The following NPM2 variants were observed in gnomAD, a reference collection of about 807,000 sequenced individuals.
NPM2 encodes nucleophosmin/nucleoplasmin 2.
A neutral mutation model predicts 32.0 loss-of-function variants in NPM2; 25 were observed. The observed-to-expected ratio is 0.78, with a 90% CI of 0.57 to 1.09. NPM2 has a LOEUF of 1.09. NPM2 is among the 50% of genes least tolerant of loss of function. The pLI is 0.00. For missense variants in NPM2, 282 were observed against 259.9 expected (o/e 1.08, Z -0.58); for synonymous variants, 111 against 94.2 (o/e 1.18, Z -1.04).
At position 22,034,343 on chromosome 8, in the gene NPM2, C is replaced by T. The variant is rs1800547660; in HGVS notation, c.531+68C>T. On this transcript the variant is annotated intron_variant, in intron 7 of 9. Transcript: ENST00000518119. Reference sequence around the variant, plus strand: ...TACAGAAGCACTTAAGAGGGGTGGGCCACCGGGAGCCTGGGCCAGCCTCCC... The same window carrying T: ...TACAGAAGCACTTAAGAGGGGTGGGTCACCGGGAGCCTGGGCCAGCCTCCC... 7.5e-6 allele frequency: 11 copies of T among 1,476,214 alleles called. No homozygotes were observed. In the Admixed American group the frequency reaches 8.2e-5, roughly 11 times the overall value. The allele number at this position is 1,476,214 out of a possible 1,614,324, so 91.4% of individuals were successfully genotyped here. A position where few individuals can be genotyped will look rare whatever the true frequency, so the allele number is the denominator to read the frequency against.
intron 8 of NPM2, among the ~76,000 whole-genome samples, chr8:22,035,215 A>G (rs1800580488): frequency 6.6e-6 from 1 of 152,234 alleles, no homozygotes. Context: ...CCTCTTCTCA[A>G]TGGAATATTA....
At chr8:22,026,104 C>T (rs1202455009) in intron 5 of NPM2, among the ~76,000 whole-genome samples, 1 of 152,176 alleles carries the variant, frequency 6.6e-6, no homozygotes, top group Non-Finnish European at 1.5e-5. Flanking sequence ...CCCTGCCTCC[C>T]GTCAGATCAG....
Position 22,024,462 on chromosome 8 carries a change from C to G in NPM2, c.-302C>G, listed in dbSNP as rs975504008. ...GGGCGCCAGGAGGCCTCGGCGGGTC[C>G]GCAATTGGCCGGGACAGCTTCTCAC... is the stretch of plus-strand genomic sequence containing the variant. On this transcript the variant is annotated 5_prime_UTR_variant, in exon 1 of 10. Coordinates refer to ENST00000518119, the MANE Select transcript of NPM2 (RefSeq NM_001286680.2). 2 of 152,544 alleles carry G rather than the reference C, an allele frequency of 1.3e-5. No homozygotes were observed. Among genetic ancestry groups the G allele is most frequent in the African/African-American group, 2.4e-5 (1 of 41,474 alleles). 9.4% of individuals were successfully genotyped at this position (152,544 alleles called of 1,614,324 possible).
chr8:22,024,654 G>C (rs558235039), intron 1 of NPM2, 31 bp downstream of exon 1: 3 of 152,540 alleles, frequency 2.0e-5, no homozygotes, highest in African/African-American at 7.2e-5. Flanking sequence ...AGGAAAGAAT[G>C]GGAGAAGGGA....
intron 5 of NPM2, among the ~76,000 whole-genome samples, chr8:22,027,603 CTTT>C (rs542386619): frequency 1.2e-4 from 17 of 143,278 alleles, no homozygotes; most frequent in African/African-American, 3.8e-4. Context: ...AGACAAAGCT[CTTT>C]TTTTTTTTTT....
At chr8:22,027,291 C>T (rs910145718) in intron 5 of NPM2, among the ~76,000 whole-genome samples, 9 of 152,154 alleles carry the variant, frequency 5.9e-5, no homozygotes, top group African/African-American at 1.7e-4. Context: ...TTTGGGAGAC[C>T]CCTCTGTCAA....
At chr8:22,034,866 GGGAGGCTAA>G (rs1223575455) in intron 8 of NPM2, among the ~76,000 whole-genome samples, 3 of 152,226 alleles carry the variant, frequency 2.0e-5, no homozygotes, top group African/African-American at 7.2e-5. Context: ...CCAGCACTTT[GGGAGGCTAA>G]GGCAGGCAGA....
Position 22,036,818 on chromosome 8 carries a change from TC to T in NPM2, c.*137del. 2.4e-6 allele frequency: 2 copies of T among 845,130 alleles called. No individual in the cohort carries two copies. Among genetic ancestry groups the T allele is most frequent in the Non-Finnish European group, 3.5e-6 (2 of 566,054 alleles). 52.4% of individuals were successfully genotyped at this position (845,130 alleles called of 1,614,324 possible). The stretch of plus-strand genomic sequence containing the variant: ...GTTGCGGGGGCAACATGAGAGCCCC[TC>T]ACCCCCAACTCTCCACTTTCAGGAG... On this transcript the variant is annotated 3_prime_UTR_variant, in exon 10 of 10. Transcript: ENST00000518119.
intron 2 of NPM2, 79 bp downstream of exon 2, chr8:22,024,909 C>A: frequency 3.0e-6 from 1 of 331,522 alleles, no homozygotes; most frequent in Non-Finnish European, 5.5e-6. Context: ...TGCACAGAGG[C>A]TTTTGAGTCA....
rs778084579 is a variant in NPM2, at chr8:22,036,630, C to T, written c.601-8C>T. On this transcript the variant is annotated splice_region_variant and splice_polypyrimidine_tract_variant and intron_variant, in intron 9 of 9. Transcript: ENST00000518119. Reference sequence around the variant, plus strand: ...ACGGGACCCTGGAGCCCTGCCTTCCCTCCACAGGCCAAAGCCACAGCCAGA... The same window carrying T: ...ACGGGACCCTGGAGCCCTGCCTTCCTTCCACAGGCCAAAGCCACAGCCAGA... The T allele has an allele frequency of 1.1e-4, 163 of 1,551,442 alleles. No homozygotes were observed. Among genetic ancestry groups the T allele is most frequent in the Non-Finnish European group, 1.1e-4 (125 of 1,147,242 alleles).
chr8:22,028,185 C>T (rs1800318232), intron 5 of NPM2, among the ~76,000 whole-genome samples: 1 of 152,226 alleles, frequency 6.6e-6, no homozygotes, highest in Middle Eastern at 3.4e-3. Context: ...CACAGCCACA[C>T]TCATTCGTTT....
rs368674923 is a variant in NPM2 at position 22,033,117 on chromosome 8, C to T, written c.271-13C>T. On this transcript the variant is annotated splice_polypyrimidine_tract_variant and intron_variant, in intron 5 of 9. Transcript: ENST00000518119. Reference sequence around the variant, plus strand: ...CTAAGTGGCCCTGTCTTCTCTGCTTCCTCCCCCTGCAGGTCTCCATGGTAG... The same window carrying T: ...CTAAGTGGCCCTGTCTTCTCTGCTTTCTCCCCCTGCAGGTCTCCATGGTAG... 62 of 1,609,230 alleles carry T rather than the reference C, an allele frequency of 3.9e-5. No individual in the cohort carries two copies. Among genetic ancestry groups the T allele is most frequent in the Non-Finnish European group, 4.2e-5 (49 of 1,175,640 alleles).
intron 5 of NPM2, among the ~76,000 whole-genome samples, chr8:22,028,696 C>G (rs927227447): frequency 3.3e-5 from 5 of 152,120 alleles, no homozygotes; most frequent in Admixed American, 1.3e-4. Context: ...GGTCATGGCT[C>G]TCTCTCATTT....
At position 22,025,284 on chromosome 8, in the gene NPM2, G is replaced by C; in HGVS notation, c.36G>C (p.Lys12Asn). Residue 12 changes from lysine to asparagine, a missense_variant, in exon 3 of 10, where the codon AAG becomes AAC. Physicochemically the swap from Lys to Asn is moderately conservative, Grantham distance 94. Transcript: ENST00000518119. ...GTAGCGCCAGTAGCACGGAGGAAAA[G>C]GCAGTGACGACCGTGCTCTGGGGTG... ...NLSSASSTEE[K>N]AVTTVLWGCE... 6.2e-7 allele frequency: 1 copy of C among 1,611,362 alleles called. No individual in the cohort carries two copies.
chr8:22,028,010 A>G (rs781010705), intron 5 of NPM2, among the ~76,000 whole-genome samples: 3 of 152,184 alleles, frequency 2.0e-5, no homozygotes, highest in Middle Eastern at 3.4e-3. Context: ...CTTCCCTGCT[A>G]CCCCTGGTAC....
intron 5 of NPM2, among the ~76,000 whole-genome samples, chr8:22,027,202 C>T (rs1456504436): frequency 1.3e-5 from 2 of 152,096 alleles, no homozygotes; most frequent in Non-Finnish European, 2.9e-5. Context: ...ACATGCTAGC[C>T]TCATGCACTG....
At position 22,033,218 on chromosome 8, in the gene NPM2, G is replaced by C; in HGVS notation, c.359G>C (p.Arg120Pro). The change falls in exon 6 of 10, where the codon CGT (arginine) becomes CCT (proline). Residue 120 changes from arginine to proline, a missense_variant. Transcript: ENST00000518119. ...CCCGTGTTCCTCAGTGGCCAGGAAC[G>C]TTATGGTAAGTCAGAGCCTGCGATC... is the stretch of plus-strand genomic sequence containing the variant. ...SGPVFLSGQE[R>P]YEASDLTWEE... 3 of 1,613,650 alleles carry C rather than the reference G, an allele frequency of 1.9e-6. No individual in the cohort carries two copies. The highest frequency in any genetic ancestry group is 2.5e-6 in the Non-Finnish European group (3 of 1,179,592).
intron 5 of NPM2, among the ~76,000 whole-genome samples, chr8:22,031,510 A>T (rs1800439032): frequency 6.6e-6 from 1 of 152,314 alleles, no homozygotes; most frequent in East Asian, 1.9e-4. Context: ...CAGTGGCGCA[A>T]TCTCGGCTCA....
intron 4 of NPM2, 61 bp downstream of exon 4, chr8:22,025,582 G>C (rs1800217802): frequency 6.2e-7 from 1 of 1,613,782 alleles, no homozygotes; most frequent in Non-Finnish European, 8.5e-7. Flanking sequence ...TCCCAACGGA[G>C]GGCTATGGAT....
Sources: allele counts gnomAD v4.1 joint callset (sites outside exome capture counted in the v4.1 genomes callset), GRCh38; gene constraint gnomAD v4.1.1; transcripts MANE v1.5; gene names NCBI Gene and HGNC (gene_info 2026-07-23, HGNC 2026-07-21).